Variants in MGAT4A observed in about 807,000 individuals in gnomAD.
The protein encoded by MGAT4A is alpha-1,3-mannosyl-glycoprotein 4-beta-N-acetylglucosaminyltransferase A, also known as N-acetylglucosaminyltransferase IVa.
Under a neutral mutation model 74.1 loss-of-function variants are expected in MGAT4A, and 33 were observed. That is an observed-to-expected ratio of 0.45 (90% CI 0.34 to 0.60). The LOEUF (loss-of-function observed/expected upper bound fraction) is 0.60, where lower values mean the gene tolerates loss of function less well. MGAT4A is among the 20% of genes least tolerant of loss of function. The pLI, the probability that MGAT4A is intolerant of heterozygous loss-of-function variation, is 0.02. For missense variants in MGAT4A, 479 were observed against 628.3 expected, an observed-to-expected ratio of 0.76 and a Z score of 2.54; for synonymous variants, 198 against 210.4, an observed-to-expected ratio of 0.94 and a Z score of 0.51.
chr2:98,716,489 GC>G (rs1559176051), intron 2 of MGAT4A, among the ~76,000 whole-genome samples: 1 of 151,992 alleles, frequency 6.6e-6, no homozygotes, highest in East Asian at 1.9e-4. Flanking sequence ...GTGGTGGGGT[GC>G]ACCTGTAATC....
chr2:98,631,462 C>T (rs1282732956), intron 14 of MGAT4A, among the ~76,000 whole-genome samples: 4 of 152,202 alleles, frequency 2.6e-5, no homozygotes, highest in Non-Finnish European at 5.9e-5. Context: ...CCAAGACCAC[C>T]CTGGCCTGCC....
chr2:98,717,280 G>A (rs1425453003), intron 2 of MGAT4A, among the ~76,000 whole-genome samples: 3 of 151,886 alleles, frequency 2.0e-5, no homozygotes, highest in African/African-American at 4.8e-5. Flanking sequence ...CAGGGAGGCC[G>A]AGATAGGAGA....
At position 98,639,864 on chromosome 2, in the gene MGAT4A, T is replaced by C. The variant is rs751205134; in HGVS notation, c.1266A>G (p.Thr422=). ...YMGEDFFWAI[T]PIAGDYILFK... Reference sequence around the variant, plus strand: ...ACAAGATGTAGTCTCCAGCTATCGGTGTGATAGCCCAGAAGAAATCCTCTC... The same window carrying C: ...ACAAGATGTAGTCTCCAGCTATCGGCGTGATAGCCCAGAAGAAATCCTCTC... Residue 422 remains threonine, a synonymous_variant, in exon 12 of 16, where the codon ACA becomes ACG. Transcript: ENST00000393487. 2.9e-5 allele frequency: 46 copies of C among 1,613,910 alleles called. No individual in the cohort carries two copies. Among genetic ancestry groups the C allele is most frequent in the Non-Finnish European group, 3.7e-5 (44 of 1,179,928 alleles).
Position 98,635,294 on chromosome 2 carries a change from A to G in MGAT4A, c.1402-6T>C. On this transcript the variant is annotated splice_region_variant and splice_polypyrimidine_tract_variant and intron_variant, in intron 13 of 15. Transcript: ENST00000393487. ...CTTATTTCCAAACCTTCACTCTAAA[A>G]TAAAACAAAAGCATTAATTTCAAAA... 6.3e-7 allele frequency: 1 copy of G among 1,586,846 alleles called. No homozygotes were observed.
intron 12 of MGAT4A, among the ~76,000 whole-genome samples, chr2:98,638,499 T>C (rs995851054): frequency 2.0e-5 from 3 of 152,250 alleles, no homozygotes; most frequent in African/African-American, 7.2e-5. Context: ...TGCGTGGCAA[T>C]ATCATTTTAT....
At chr2:98,687,477 C>T (rs901366259) in intron 2 of MGAT4A, among the ~76,000 whole-genome samples, 1 of 152,154 alleles carries the variant, frequency 6.6e-6, no homozygotes, top group Non-Finnish European at 1.5e-5. Flanking sequence ...CTGGATATTC[C>T]TTGTATGACC....
At chr2:98,676,538 T>G (rs961052514) in intron 3 of MGAT4A, among the ~76,000 whole-genome samples, 7 of 152,104 alleles carry the variant, frequency 4.6e-5, no homozygotes, top group Non-Finnish European at 7.4e-5. Context: ...AAGATCATAA[T>G]CTAATGAAAA....
intron 1 of MGAT4A, among the ~76,000 whole-genome samples, chr2:98,729,253 T>C (rs1470999792): frequency 6.6e-6 from 1 of 152,178 alleles, no homozygotes; most frequent in Non-Finnish European, 1.5e-5. Context: ...CCCTGAAATT[T>C]TGCAAGAAAA....
intron 2 of MGAT4A, among the ~76,000 whole-genome samples, chr2:98,680,244 A>G (rs1472149471): frequency 6.6e-6 from 1 of 152,016 alleles, no homozygotes; most frequent in African/African-American, 2.4e-5. Context: ...GGGTTTCACC[A>G]TGTTGGTCAG....
At position 98,658,275 on chromosome 2, in the gene MGAT4A, A is replaced by G; in HGVS notation, c.538-11T>C. The G allele has an allele frequency of 6.6e-7, 1 of 1,519,446 alleles. No homozygotes were observed. Among genetic ancestry groups the G allele is most frequent in the Non-Finnish European group, 8.9e-7 (1 of 1,118,416 alleles). 94.1% of individuals were successfully genotyped at this position (1,519,446 alleles called of 1,614,324 possible). A position where few individuals can be genotyped will look rare whatever the true frequency, so the allele number is the denominator to read the frequency against. ...ATAATCAATATCTGTCTGGGAAAGA[A>G]AAAAAATGTATCTATATTCAAGTTT... On this transcript the variant is annotated splice_polypyrimidine_tract_variant and intron_variant, in intron 5 of 15. Transcript: ENST00000393487.
rs1199919111 is a variant in MGAT4A, at chr2:98,675,058, T to C, written c.380A>G (p.Gln127Arg). Residue 127 changes from glutamine to arginine, a missense_variant, in exon 4 of 16, where the codon CAG becomes CGG. Transcript: ENST00000393487. Reference protein sequence around the residue: ...KNEGSLQPAVQIGNGRTGVSI... With the variant: ...KNEGSLQPAVRIGNGRTGVSI... ...ACCTCCTGTTCTTCCGTTGCCAATCTGTACAGCAGGTTGAAGACTTCCTTC... is the reference window on the plus strand; with the variant it reads ...ACCTCCTGTTCTTCCGTTGCCAATCCGTACAGCAGGTTGAAGACTTCCTTC... The C allele has an allele frequency of 1.9e-5, 31 of 1,608,908 alleles. No homozygotes were observed. The East Asian group carries it at 6.9e-4, about 36-fold the overall frequency.
chr2:98,643,407 C>T (rs1327396453), intron 10 of MGAT4A, among the ~76,000 whole-genome samples: 2 of 152,202 alleles, frequency 1.3e-5, no homozygotes, highest in Non-Finnish European at 2.9e-5. Flanking sequence ...ACTTACTTGA[C>T]TGCAACTATT....
rs182774759 is a variant in MGAT4A at position 98,646,014 on chromosome 2, T to C, written c.775-472A>G. 4.6e-5 allele frequency among the ~76,000 whole-genome samples: 7 copies of C among 152,326 alleles called. No homozygotes were observed. The East Asian group carries it at 1.4e-3, about 29-fold the overall frequency. On this transcript the variant is annotated intron_variant, in intron 8 of 15. Transcript: ENST00000393487. ...TAATGGTATTGATATTGTGAAGCTA[T>C]TTTACGTATATTACAGAATAAAAAA...
intron 2 of MGAT4A, chr2:98,695,387 C>G (rs1271720040): frequency 1.8e-5 from 4 of 220,042 alleles, no homozygotes; most frequent in Admixed American, 4.2e-5. Context: ...ACTGAAGACT[C>G]AGACAGCCCC....
chr2:98,663,441 C>A (rs771728304), intron 4 of MGAT4A: 11 of 1,479,382 alleles, frequency 7.4e-6, no homozygotes, highest in Non-Finnish European at 9.8e-6. Context: ...TGAATGGCTG[C>A]GAAGTATAAA....
At chr2:98,703,896 G>T (rs1702385528) in intron 2 of MGAT4A, among the ~76,000 whole-genome samples, 2 of 152,128 alleles carry the variant, frequency 1.3e-5, no homozygotes, top group Non-Finnish European at 2.9e-5. Flanking sequence ...TCCTCAGAGA[G>T]GCATTCTGTG....
Position 98,623,742 on chromosome 2 carries a change from C to G in MGAT4A, c.*1824G>C. The G allele has an allele frequency of 2.0e-6, 2 of 985,418 alleles. No individual in the cohort carries two copies. Among genetic ancestry groups the G allele is most frequent in the Non-Finnish European group, 2.4e-6 (2 of 829,924 alleles). 61.0% of individuals were successfully genotyped at this position (985,418 alleles called of 1,614,324 possible). ...ACATGGAGTGATGGAAATAATTGTA[C>G]TGTATCAGTGTTTCCAAACGTTTGC... On this transcript the variant is annotated 3_prime_UTR_variant, in exon 16 of 16. Coordinates refer to ENST00000393487, the MANE Select transcript of MGAT4A (RefSeq NM_012214.3).
At chr2:98,670,172 A>G (rs541158523) in intron 4 of MGAT4A, among the ~76,000 whole-genome samples, 1 of 152,306 alleles carries the variant, frequency 6.6e-6, no homozygotes, top group Admixed American at 6.5e-5. Context: ...GAATATGGTC[A>G]TATCATCCTT....
intron 14 of MGAT4A, 33 bp from the exon 15 acceptor site, chr2:98,625,868 ACC>A (rs1394567890): frequency 6.8e-7 from 1 of 1,472,210 alleles, no homozygotes; most frequent in South Asian, 1.2e-5. Flanking sequence ...TGTTGGATAC[ACC>A]GAGATAAGCA....
Sources: gnomAD v4.1 joint callset for allele counts (sites outside exome capture counted in the v4.1 genomes callset) on GRCh38, gnomAD v4.1.1 for gene constraint, MANE v1.5 for transcripts, NCBI Gene and HGNC (gene_info 2026-07-23, HGNC 2026-07-21) for gene names.